The following AUTS2 variants were observed in gnomAD, a reference collection of about 807,000 sequenced individuals.
The protein encoded by AUTS2 is autism susceptibility gene 2 protein.
AUTS2 carries 17 observed loss-of-function variants against 112.4 expected under a neutral mutation model. That is an observed-to-expected ratio of 0.15 (90% CI 0.10 to 0.23). The LOEUF is 0.23. Among genes scored for constraint, AUTS2 ranks in the 10% least tolerant of loss-of-function variants. The pLI is 1.00. For synonymous variants in AUTS2, 751 were observed against 702.7 expected (o/e 1.07, Z -1.09); for missense variants, 1,510 against 1,701.6 (o/e 0.89, Z 1.98).
intron 4 of AUTS2, among the ~76,000 whole-genome samples, chr7:70,261,372 A>T (rs1787161191): frequency 6.6e-6 from 1 of 152,214 alleles, no homozygotes; most frequent in South Asian, 2.1e-4. Context: ...ATTGTGGGTG[A>T]TGGAAATGTT....
At chr7:69,779,050 TAAAAAAAAAAA>T (rs1554368326) in intron 1 of AUTS2, among the ~76,000 whole-genome samples, 1 of 86,578 alleles carries the variant, frequency 1.2e-5, no homozygotes, top group Non-Finnish European at 2.2e-5. Context: ...TTTTTTTTTT[TAAAAAAAAAAA>T]AAAAAAAAAA....
At chr7:70,642,533 CAACCAGGTGT>C (rs754025606) in intron 5 of AUTS2, among the ~76,000 whole-genome samples, 25 of 83,906 alleles carry the variant, frequency 3.0e-4, no homozygotes, top group Non-Finnish European at 5.2e-4. Context: ...ATTGTGTCCT[CAACCAGGTGT>C]AAAGTCTTAG....
At chr7:69,615,619 T>G (rs1318595392) in intron 1 of AUTS2, among the ~76,000 whole-genome samples, 3 of 152,216 alleles carry the variant, frequency 2.0e-5, no homozygotes, top group Non-Finnish European at 2.9e-5. Flanking sequence ...AGCATTCTTG[T>G]TGTAGATTTC....
At chr7:70,239,467 C>T (rs1812494019) in intron 4 of AUTS2, among the ~76,000 whole-genome samples, 1 of 152,014 alleles carries the variant, frequency 6.6e-6, no homozygotes, top group Non-Finnish European at 1.5e-5. Context: ...CAGAGTTTCC[C>T]TCTTTTTGCC....
At position 70,222,600 on chromosome 7, in the gene AUTS2, GT is replaced by G. The variant is rs557859190; in HGVS notation, c.660+88042del. On this transcript the variant is annotated intron_variant, in intron 4 of 18. Coordinates refer to ENST00000342771, the MANE Select transcript of AUTS2 (RefSeq NM_015570.4). The stretch of plus-strand genomic sequence containing the variant: ...TTAGTAAAAGCCTACAACTGGTAGA[GT>G]TTTTTTTTTTTTAAGGATCTCAAGA... 6.0e-3 allele frequency among the ~76,000 whole-genome samples: 861 copies of G among 144,394 alleles called. 7 individuals carry two copies. Among genetic ancestry groups the G allele is most frequent in the African/African-American group, 0.019 (740 of 39,742 alleles). 94.7% of individuals were successfully genotyped at this position (144,394 alleles called of 152,430 possible).
intron 5 of AUTS2, among the ~76,000 whole-genome samples, chr7:70,670,906 T>G (rs949076680): frequency 1.3e-5 from 2 of 152,156 alleles, no homozygotes; most frequent in Admixed American, 6.5e-5. Flanking sequence ...GTGCGGTGGC[T>G]CACGCATGTA....
intron 2 of AUTS2, among the ~76,000 whole-genome samples, chr7:70,045,902 G>C (rs1801483904): frequency 6.6e-6 from 1 of 151,236 alleles, no homozygotes; most frequent in African/African-American, 2.4e-5. Context: ...CTGGATTACA[G>C]GCATGAGCCA....
intron 2 of AUTS2, among the ~76,000 whole-genome samples, chr7:69,911,045 G>A (rs1000492080): frequency 1.3e-4 from 20 of 152,214 alleles, no homozygotes; most frequent in African/African-American, 4.3e-4. Context: ...ATGACATGTG[G>A]GAATTCTGGG....
intron 2 of AUTS2, among the ~76,000 whole-genome samples, chr7:70,073,716 C>G (rs1276254589): frequency 6.6e-6 from 1 of 152,076 alleles, no homozygotes; most frequent in Non-Finnish European, 1.5e-5. Flanking sequence ...GATTATTTCT[C>G]AATAAAAAAT....
chr7:70,699,210 TGC>T (rs59958528), intron 6 of AUTS2: 68,396 of 151,956 alleles, frequency 0.45, 15,627 homozygotes, highest in Middle Eastern at 0.58. Context: ...AGTAGGTTTC[TGC>T]GCAGCTTTCA....
chr7:70,362,881 G>T (rs1792338924), intron 4 of AUTS2, among the ~76,000 whole-genome samples: 1 of 152,188 alleles, frequency 6.6e-6, no homozygotes, highest in Non-Finnish European at 1.5e-5. Context: ...GGTGAACATG[G>T]AGGTGTCCAC....
At chr7:70,677,474 C>T (rs1807974953) in intron 5 of AUTS2, among the ~76,000 whole-genome samples, 1 of 152,178 alleles carries the variant, frequency 6.6e-6, no homozygotes, top group Non-Finnish European at 1.5e-5. Flanking sequence ...TAGCATCGCC[C>T]TTTGTGTTGC....
intron 4 of AUTS2, among the ~76,000 whole-genome samples, chr7:70,308,455 G>T (rs1789585132): frequency 6.6e-6 from 1 of 152,164 alleles, no homozygotes; most frequent in South Asian, 2.1e-4. Flanking sequence ...CTCATATAAA[G>T]ATAAGCTGAG....
At chr7:70,755,400 C>T (rs532865135) in intron 6 of AUTS2, among the ~76,000 whole-genome samples, 12 of 152,212 alleles carry the variant, frequency 7.9e-5, no homozygotes, top group Non-Finnish European at 1.3e-4. Context: ...CATGGTGGCT[C>T]ACGCCTGTAA....
intron 4 of AUTS2, among the ~76,000 whole-genome samples, chr7:70,329,149 A>G (rs746381604): frequency 2.0e-5 from 3 of 152,198 alleles, no homozygotes; most frequent in Non-Finnish European, 4.4e-5. Flanking sequence ...CAGTATTTGT[A>G]TATAACATGA....
At chr7:70,581,660 C>T in intron 5 of AUTS2, among the ~76,000 whole-genome samples, 1 of 149,798 alleles carries the variant, frequency 6.7e-6, no homozygotes, top group African/African-American at 2.6e-5. Flanking sequence ...CCACCTGACC[C>T]CTTCTCCCTA....
At chr7:70,244,440 A>T (rs1001174251) in intron 4 of AUTS2, among the ~76,000 whole-genome samples, 3 of 152,234 alleles carry the variant, frequency 2.0e-5, no homozygotes, top group African/African-American at 7.2e-5. Context: ...AATGAAATCC[A>T]GCAGCCAATC....
intron 5 of AUTS2, among the ~76,000 whole-genome samples, chr7:70,541,981 G>A (rs2129505520): frequency 6.6e-6 from 1 of 152,292 alleles, no homozygotes; most frequent in South Asian, 2.1e-4. Context: ...AACCTAATAG[G>A]ATGAAAGAAA....
At chr7:70,248,334 G>T (rs886627157) in intron 4 of AUTS2, among the ~76,000 whole-genome samples, 1 of 152,142 alleles carries the variant, frequency 6.6e-6, no homozygotes, top group African/African-American at 2.4e-5. Flanking sequence ...ATGTTGGCCA[G>T]ATTGGCCTCA....
Sources: allele counts gnomAD v4.1 joint callset (sites outside exome capture counted in the v4.1 genomes callset), GRCh38; gene constraint gnomAD v4.1.1; transcripts MANE v1.5; gene names NCBI Gene and HGNC (gene_info 2026-07-23, HGNC 2026-07-21).